SLC27A6: variants seen among roughly 807,000 people sequenced by gnomAD.
The protein encoded by SLC27A6 is solute carrier family 27 member 6, also known as long-chain fatty acid transport protein 6.
A neutral mutation model predicts 63.9 loss-of-function variants in SLC27A6; 74 were observed. The ratio of observed to expected loss-of-function variants is 1.16; its 90% CI spans 0.96 to 1.40. The LOEUF (loss-of-function observed/expected upper bound fraction) is 1.40, where lower values mean the gene tolerates loss of function less well. Ranked by LOEUF, SLC27A6 falls within the 40% of genes most tolerant of loss-of-function variation. The pLI is 0.00. For missense variants in SLC27A6, 794 were observed against 732.9 expected (o/e 1.08, Z -0.96); for synonymous variants, 287 against 260.8 (o/e 1.10, Z -0.97).
Position 129,015,943 on chromosome 5 carries a change from A to G in SLC27A6, c.1028A>G (p.Asp343Gly). 6.2e-7 allele frequency: 1 copy of G among 1,607,424 alleles called. No homozygotes were observed. Among genetic ancestry groups the G allele is most frequent in the South Asian group, 1.1e-5 (1 of 89,788 alleles). ...RLAIGNGIRS[D>G]VWREFLDRFG... Reference sequence around the variant, plus strand: ...GCAATTGGAAATGGCATACGGAGTGATGTATGGAGAGAATTTTTAGACAGA... The same window carrying G: ...GCAATTGGAAATGGCATACGGAGTGGTGTATGGAGAGAATTTTTAGACAGA... The change falls in exon 5 of 10, where the codon GAT becomes GGT. Residue 343 changes from aspartate (D) to glycine (G), a missense_variant. Physicochemically the swap from Asp to Gly is moderately conservative, Grantham distance 94. Transcript: ENST00000262462.
intron 4 of SLC27A6, among the ~76,000 whole-genome samples, chr5:128,994,116 G>A (rs1334446152): frequency 3.9e-5 from 6 of 152,072 alleles, no homozygotes; most frequent in Admixed American, 1.3e-4. Context: ...TGTGTGAGCC[G>A]AGATTGTGCC....
At chr5:129,016,163 T>A in intron 5 of SLC27A6, 84 bp downstream of exon 5, 1 of 936,702 alleles carries the variant, frequency 1.1e-6, no homozygotes, top group Non-Finnish European at 1.6e-6. Context: ...GACGCCGAGG[T>A]GGGCAGATCA....
chr5:129,024,646 G>A (rs951348652), intron 6 of SLC27A6, among the ~76,000 whole-genome samples: 3 of 152,070 alleles, frequency 2.0e-5, no homozygotes, highest in Non-Finnish European at 4.4e-5. Flanking sequence ...ATGAAAGCAA[G>A]TACTTCAATT....
intron 4 of SLC27A6, among the ~76,000 whole-genome samples, chr5:129,000,755 T>A (rs1008017784): frequency 6.6e-6 from 1 of 152,184 alleles, no homozygotes; most frequent in Non-Finnish European, 1.5e-5. Context: ...CATCTACGCA[T>A]CCTTTTCTTA....
At chr5:128,996,028 A>T (rs1442438173) in intron 4 of SLC27A6, among the ~76,000 whole-genome samples, 1 of 139,106 alleles carries the variant, frequency 7.2e-6, no homozygotes, top group Non-Finnish European at 1.5e-5. Flanking sequence ...ATTAAAATTA[A>T]TTTTTTTGAT....
chr5:129,015,852 A>C, intron 4 of SLC27A6, 33 bp from the exon 5 acceptor site: 1 of 1,417,930 alleles, frequency 7.1e-7, no homozygotes, highest in Non-Finnish European at 9.7e-7. Context: ...AGAAACTGGA[A>C]CTAATTACAA....
chr5:128,973,501 T>C (rs1028317112), intron 1 of SLC27A6, among the ~76,000 whole-genome samples: 11 of 152,276 alleles, frequency 7.2e-5, no homozygotes, highest in African/African-American at 2.6e-4. Context: ...CCCCTAGCCT[T>C]GCTGCCACCT....
At chr5:129,029,981 GCAAT>G (rs1048038512) in intron 9 of SLC27A6, among the ~76,000 whole-genome samples, 1 of 151,958 alleles carries the variant, frequency 6.6e-6, no homozygotes, top group Non-Finnish European at 1.5e-5. Context: ...AGTGACGGTG[GCAAT>G]CCAAAACCAC....
chr5:128,994,941 A>G (rs554734718), intron 4 of SLC27A6, among the ~76,000 whole-genome samples: 1 of 152,346 alleles, frequency 6.6e-6, no homozygotes, highest in African/African-American at 2.4e-5. Context: ...CGTTAGATGT[A>G]CTTCTTTAAA....
chr5:128,978,205 G>A (rs983096354), intron 1 of SLC27A6, among the ~76,000 whole-genome samples: 1 of 151,856 alleles, frequency 6.6e-6, no homozygotes, highest in African/African-American at 2.4e-5. Flanking sequence ...TCTTAATATT[G>A]GTAACTTTTA....
chr5:128,990,516 G>C, intron 4 of SLC27A6, 52 bp downstream of exon 4: 4 of 1,520,986 alleles, frequency 2.6e-6, no homozygotes, highest in Non-Finnish European at 3.6e-6. Context: ...TAAGTATTGA[G>C]ATAGAAAAGG....
At chr5:128,997,024 G>A (rs1384048589) in intron 4 of SLC27A6, among the ~76,000 whole-genome samples, 1 of 152,010 alleles carries the variant, frequency 6.6e-6, no homozygotes, top group Non-Finnish European at 1.5e-5. Context: ...ACATTTTCAT[G>A]TTCTTAGTTT....
chr5:129,033,218 A>G lies in SLC27A6; in HGVS notation c.1796A>G (p.Lys599Arg), dbSNP rs563114034. 1 of 1,600,832 alleles carries G rather than the reference A, an allele frequency of 6.2e-7. No homozygotes were observed. Among genetic ancestry groups the G allele is most frequent in the African/African-American group, 1.3e-5 (1 of 74,232 alleles). Reference sequence around the variant, plus strand: ...CTTTACTTCATGGATAACTTGAAAAAGTCTTATGTTCTACTGACCAGGGAA... The same window carrying G: ...CTTTACTTCATGGATAACTTGAAAAGGTCTTATGTTCTACTGACCAGGGAA... ...EPLYFMDNLKKSYVLLTRELY... is the reference protein window; with the variant it reads ...EPLYFMDNLKRSYVLLTRELY... Residue 599 changes from lysine (K) to arginine (R), a missense_variant, in exon 10 of 10, where the codon AAG becomes AGG. Lys to Arg is a conservative substitution (Grantham distance 26). Transcript: ENST00000262462.
chr5:128,998,400 A>G (rs1443174823), intron 4 of SLC27A6, among the ~76,000 whole-genome samples: 1 of 151,670 alleles, frequency 6.6e-6, no homozygotes, highest in East Asian at 1.9e-4. Context: ...TATTTATAAA[A>G]TTAGAGTAAT....
intron 8 of SLC27A6, 42 bp from the exon 9 acceptor site, chr5:129,029,535 A>C: frequency 7.3e-7 from 1 of 1,376,438 alleles, no homozygotes; most frequent in Non-Finnish European, 1.0e-6. Context: ...TTTAAAGTTT[A>C]TTTGGTACTT....
At chr5:129,023,846 A>T (rs2150153918) in intron 6 of SLC27A6, 136 bp downstream of exon 6, 1 of 637,962 alleles carries the variant, frequency 1.6e-6, no homozygotes, top group African/African-American at 1.8e-5. Flanking sequence ...TGCTCCTTAT[A>T]TAAAATGATA....
chr5:129,003,638 A>AC (rs892281943), intron 4 of SLC27A6, among the ~76,000 whole-genome samples: 1 of 152,090 alleles, frequency 6.6e-6, no homozygotes, highest in Non-Finnish European at 1.5e-5. Context: ...GGAGTTCAAG[A>AC]CCAGCCTGGG....
At position 128,966,263 on chromosome 5, in the gene SLC27A6, T is replaced by C. The variant is rs778062499; in HGVS notation, c.126T>C (p.Ile42=). 21 of 1,613,804 alleles carry C rather than the reference T, an allele frequency of 1.3e-5. No homozygotes were observed. The South Asian group carries it at 2.2e-4, about 17-fold the overall frequency. Residue 42 remains isoleucine (I), a synonymous_variant, in exon 1 of 10, where the codon ATT becomes ATC. Transcript: ENST00000262462. ...TGTTGAAGGTGGTGCTCATTATAATTCGGCTGAAGAAGTATGAAAAGAGAG... is the reference window on the plus strand; with the variant it reads ...TGTTGAAGGTGGTGCTCATTATAATCCGGCTGAAGAAGTATGAAAAGAGAG... The part of the protein sequence containing the change: ...WFVLKVVLII[I]RLKKYEKRGE...
Position 128,985,337 on chromosome 5 carries a change from G to A in SLC27A6, c.685+1G>A. Reference sequence around the variant, plus strand: ...TACATTTTTACCTCTGGAACAACAGGTATGATCCAATTCTTTTGAAGGCTA... The same window carrying A: ...TACATTTTTACCTCTGGAACAACAGATATGATCCAATTCTTTTGAAGGCTA... On this transcript the variant is annotated splice_donor_variant, in intron 2 of 9. Coordinates refer to ENST00000262462, the MANE Select transcript of SLC27A6 (RefSeq NM_001017372.3). LOFTEE classifies it high-confidence loss of function. 1 of 1,612,618 alleles carries A rather than the reference G, an allele frequency of 6.2e-7. No individual in the cohort carries two copies. Among genetic ancestry groups the A allele is most frequent in the Non-Finnish European group, 8.5e-7 (1 of 1,178,784 alleles).
Sources: gnomAD v4.1 joint callset for allele counts (sites outside exome capture counted in the v4.1 genomes callset) on GRCh38, gnomAD v4.1.1 for gene constraint, MANE v1.5 for transcripts, NCBI Gene and HGNC (gene_info 2026-07-23, HGNC 2026-07-21) for gene names.